The following NBEA variants were observed in gnomAD, a reference collection of about 807,000 sequenced individuals.
NBEA encodes the protein lysosomal-trafficking regulator 2.
NBEA carries 44 observed loss-of-function variants against 343.4 expected under a neutral mutation model. That is an observed-to-expected ratio of 0.13 (90% CI 0.10 to 0.16). The LOEUF is 0.16. Among genes scored for constraint, NBEA ranks in the 10% least tolerant of loss-of-function variants. The pLI is 1.00. For synonymous variants in NBEA, 1,175 were observed against 1,238.7 expected (o/e 0.95, Z 1.08); for missense variants, 2,555 against 3,631.3 (o/e 0.70, Z 7.62).
chr13:35,546,000 G>A (rs1049561531), intron 41 of NBEA, among the ~76,000 whole-genome samples: 10 of 152,124 alleles, frequency 6.6e-5, no homozygotes, highest in Non-Finnish European at 1.5e-4. Context: ...AATTTCTTTA[G>A]AACCTTCCCC....
chr13:35,066,299 G>C (rs2063651210), intron 8 of NBEA, among the ~76,000 whole-genome samples: 1 of 152,224 alleles, frequency 6.6e-6, no homozygotes, highest in South Asian at 2.1e-4. Context: ...GCTGTTTTAG[G>C]ATGGTGTGTT....
chr13:35,430,705 C>A (rs2045046294), intron 38 of NBEA, among the ~76,000 whole-genome samples: 1 of 152,078 alleles, frequency 6.6e-6, no homozygotes, highest in African/African-American at 2.4e-5. Context: ...TCTCTGACCA[C>A]TTTTGGTGAA....
Position 34,942,907 on chromosome 13 carries a change from C to G in NBEA, c.87C>G (p.Gly29=). 3 of 1,472,638 alleles carry G rather than the reference C, an allele frequency of 2.0e-6. No homozygotes were observed. Among genetic ancestry groups the G allele is most frequent in the Non-Finnish European group, 2.7e-6 (3 of 1,107,626 alleles). 91.2% of individuals were successfully genotyped at this position (1,472,638 alleles called of 1,614,324 possible). A position where few individuals can be genotyped will look rare whatever the true frequency, so the allele number is the denominator to read the frequency against. Residue 29 remains glycine, a synonymous_variant, in exon 1 of 59, where the codon GGC becomes GGG. Transcript: ENST00000379939. ...LIAVGAAGGG[G]GGSGGGGTGG... ...CCGTCGGGGCCGCTGGCGGAGGCGG[C>G]GGGGGCAGCGGTGGTGGCGGCACCG...
At chr13:35,164,537 T>A in intron 24 of NBEA, 28 bp downstream of exon 24, 1 of 1,592,436 alleles carries the variant, frequency 6.3e-7, no homozygotes, top group Non-Finnish European at 8.6e-7. Context: ...ATCTAGTGGT[T>A]ATATTTTATA....
chr13:35,554,864 C>A, intron 43 of NBEA, 123 bp from the exon 44 acceptor site: 1 of 457,946 alleles, frequency 2.2e-6, no homozygotes, highest in Non-Finnish European at 3.8e-6. Context: ...TCTAATTCAT[C>A]TAAGAAGGAT....
chr13:35,416,484 T>C (rs1216299083), intron 38 of NBEA, among the ~76,000 whole-genome samples: 1 of 152,176 alleles, frequency 6.6e-6, no homozygotes, highest in Non-Finnish European at 1.5e-5. Context: ...TCAGCATCTA[T>C]TGAGATAATC....
intron 35 of NBEA, among the ~76,000 whole-genome samples, chr13:35,303,296 A>G (rs181559015): frequency 1.3e-5 from 2 of 152,156 alleles, no homozygotes; most frequent in Non-Finnish European, 2.9e-5. Flanking sequence ...TCTCATTACC[A>G]GTCACCTGGT....
At chr13:35,165,026 A>G (rs1427956935) in intron 24 of NBEA, 2 of 523,596 alleles carry the variant, frequency 3.8e-6, no homozygotes, top group African/African-American at 3.9e-5. Flanking sequence ...GATTCAGACC[A>G]AGGCAGACTC....
At chr13:35,488,159 G>T (rs1391374101) in intron 41 of NBEA, among the ~76,000 whole-genome samples, 1 of 151,668 alleles carries the variant, frequency 6.6e-6, no homozygotes, top group Admixed American at 6.6e-5. Flanking sequence ...ATTATTTTAA[G>T]AATCAATAGG....
At chr13:35,211,498 G>A (rs1444969375) in intron 33 of NBEA, among the ~76,000 whole-genome samples, 1 of 152,022 alleles carries the variant, frequency 6.6e-6, no homozygotes, top group African/African-American at 2.4e-5. Flanking sequence ...GGGCATCTTT[G>A]GGGGGTGATA....
At chr13:35,345,708 A>G (rs1566007205) in intron 36 of NBEA, among the ~76,000 whole-genome samples, 1 of 152,020 alleles carries the variant, frequency 6.6e-6, no homozygotes, top group Non-Finnish European at 1.5e-5. Context: ...TGGTTAAAAC[A>G]TGGAATTGTG....
intron 48 of NBEA, among the ~76,000 whole-genome samples, chr13:35,620,092 C>G (rs1048423573): frequency 1.3e-5 from 2 of 152,116 alleles, no homozygotes; most frequent in African/African-American, 4.8e-5. Context: ...CCAGTAAACA[C>G]TGATAGTGTT....
chr13:35,348,429 TAGTG>T (rs2040002304), intron 36 of NBEA, among the ~76,000 whole-genome samples: 1 of 152,102 alleles, frequency 6.6e-6, no homozygotes. Context: ...CTAGGGGACA[TAGTG>T]AGAGGCTTTT....
chr13:35,144,514 G>C (rs1475137708), intron 18 of NBEA, among the ~76,000 whole-genome samples: 1 of 152,096 alleles, frequency 6.6e-6, no homozygotes, highest in South Asian at 2.1e-4. Flanking sequence ...TCAACCCCTA[G>C]TTTCTGAAGC....
intron 39 of NBEA, among the ~76,000 whole-genome samples, chr13:35,439,942 C>T (rs1272960458): frequency 2.0e-5 from 3 of 152,082 alleles, no homozygotes; most frequent in Non-Finnish European, 2.9e-5. Flanking sequence ...TGCAATGGTG[C>T]GATCTTGGCT....
chr13:35,619,364 TTACC>T (rs2153059307), intron 48 of NBEA, among the ~76,000 whole-genome samples: 1 of 152,096 alleles, frequency 6.6e-6, no homozygotes, highest in Admixed American at 6.5e-5. Flanking sequence ...TACTGGGGAC[TTACC>T]TATCGGGGAA....
intron 45 of NBEA, among the ~76,000 whole-genome samples, chr13:35,572,410 T>G (rs1258392653): frequency 6.6e-6 from 1 of 152,182 alleles, no homozygotes; most frequent in Non-Finnish European, 1.5e-5. Context: ...GACATGAACA[T>G]AAGACATCAC....
intron 10 of NBEA, among the ~76,000 whole-genome samples, chr13:35,094,224 T>C (rs961660334): frequency 3.9e-5 from 6 of 152,050 alleles, no homozygotes; most frequent in African/African-American, 1.4e-4. Flanking sequence ...TAAATATCCA[T>C]GACAGTGGTA....
At chr13:35,426,507 A>G (rs1220620070) in intron 38 of NBEA, among the ~76,000 whole-genome samples, 1 of 152,228 alleles carries the variant, frequency 6.6e-6, no homozygotes, top group Non-Finnish European at 1.5e-5. Context: ...GTTTCTGCCA[A>G]GAGATCAGCT....
Sources: gnomAD v4.1 joint callset for allele counts (sites outside exome capture counted in the v4.1 genomes callset) on GRCh38, gnomAD v4.1.1 for gene constraint, MANE v1.5 for transcripts, NCBI Gene and HGNC (gene_info 2026-07-23, HGNC 2026-07-21) for gene names.